Variants in MEI4 observed in about 807,000 individuals in gnomAD.
MEI4 encodes the protein meiotic double-stranded break formation protein 4.
In MEI4, 27 loss-of-function variants were observed where a neutral mutation model predicts 31.4. The ratio of observed to expected loss-of-function variants is 0.86; its 90% CI spans 0.63 to 1.19. MEI4 has a LOEUF of 1.19. MEI4 is among the 50% of genes most tolerant of loss of function. The probability of loss-of-function intolerance (pLI) is 0.00; values close to 1 mark genes in which losing one functional copy is unlikely to be tolerated. For missense variants in MEI4, 329 were observed against 398.9 expected (o/e 0.82, Z 1.49); for synonymous variants, 122 against 145.4 (o/e 0.84, Z 1.16).
chr6:77,662,835 GTT>G (rs34544877), intron 1 of MEI4, among the ~76,000 whole-genome samples: 1 of 150,094 alleles, frequency 6.7e-6, no homozygotes. Context: ...GAGCACGTGT[GTT>G]TTTATGAGAA....
At chr6:77,850,369 C>A (rs111330312) in intron 4 of MEI4, among the ~76,000 whole-genome samples, 71 of 151,898 alleles carry the variant, frequency 4.7e-4, no homozygotes, top group African/African-American at 1.4e-3. Flanking sequence ...GCATCACACT[C>A]CCTGACTTCA....
intron 4 of MEI4, among the ~76,000 whole-genome samples, chr6:77,831,580 A>G (rs1645275335): frequency 6.6e-6 from 1 of 151,596 alleles, no homozygotes; most frequent in Non-Finnish European, 1.5e-5. Context: ...TTAAACCATA[A>G]AAAGAATGAA....
intron 4 of MEI4, among the ~76,000 whole-genome samples, chr6:77,873,067 A>G (rs1771238896): frequency 1.3e-5 from 2 of 151,946 alleles, no homozygotes; most frequent in South Asian, 4.1e-4. Context: ...TTATAGCAGC[A>G]TGATTTATAG....
intron 2 of MEI4, among the ~76,000 whole-genome samples, chr6:77,698,701 T>G (rs563435323): frequency 5.3e-5 from 8 of 152,292 alleles, no homozygotes; most frequent in African/African-American, 1.7e-4. Flanking sequence ...GCCCTTAACA[T>G]TTTTTCCTTC....
intron 2 of MEI4, among the ~76,000 whole-genome samples, chr6:77,699,629 T>C (rs545914130): frequency 1.5e-3 from 231 of 152,338 alleles, no homozygotes; most frequent in African/African-American, 5.0e-3. Context: ...TGAGGAGCTG[T>C]GTTCCTTTGG....
chr6:77,771,136 C>A (rs181928084), intron 3 of MEI4, among the ~76,000 whole-genome samples: 4 of 151,788 alleles, frequency 2.6e-5, no homozygotes, highest in African/African-American at 9.7e-5. Flanking sequence ...GGACATGAAT[C>A]GACACTTTTC....
chr6:77,735,513 G>T (rs974407397), intron 2 of MEI4, among the ~76,000 whole-genome samples: 1 of 151,938 alleles, frequency 6.6e-6, no homozygotes, highest in African/African-American at 2.4e-5. Flanking sequence ...CTCTGTATTG[G>T]TTATTCTAGT....
intron 4 of MEI4, among the ~76,000 whole-genome samples, chr6:77,881,598 G>A (rs181078718): frequency 3.3e-5 from 5 of 152,014 alleles, no homozygotes; most frequent in Admixed American, 3.3e-4. Context: ...AAAACACAGG[G>A]GTAGATCTAT....
rs60518263 is a variant in MEI4 at position 77,807,318 on chromosome 6, T to A, written c.769-21613T>A. On this transcript the variant is annotated intron_variant, in intron 3 of 4. Coordinates refer to ENST00000684080, the MANE Select transcript of MEI4 (RefSeq NM_001322247.2). ...GAGAGAATATAATTTAAAAGTTATT[T>A]GAGAAATAGAATTAGCTGGACTTCA... Among the ~76,000 whole-genome samples the A allele has an allele frequency of 9.2e-3, 1,396 of 152,222 alleles. 17 individuals are homozygous for A. Among genetic ancestry groups the A allele is most frequent in the African/African-American group, 0.031 (1,292 of 41,548 alleles).
upstream of MEI4, among the ~76,000 whole-genome samples, chr6:77,650,699 T>C (rs1768284852): frequency 6.6e-6 from 1 of 152,214 alleles, no homozygotes; most frequent in African/African-American, 2.4e-5. Flanking sequence ...GAGCTCGCAA[T>C]ATTTTCAGGT....
At chr6:77,923,017 A>G (rs1766745467) in intron 4 of MEI4, 72 bp from the exon 5 acceptor site, 6 of 933,632 alleles carry the variant, frequency 6.4e-6, no homozygotes, top group Middle Eastern at 7.6e-4. Flanking sequence ...TGAAACTCTG[A>G]TATCTTTATA....
At chr6:77,736,512 A>C (rs142811553) in intron 2 of MEI4, among the ~76,000 whole-genome samples, 1,593 of 152,156 alleles carry the variant, frequency 0.01, 48 homozygotes, top group African/African-American at 0.037. Context: ...GTGCGCGCAC[A>C]CACTGACCTG....
intron 4 of MEI4, among the ~76,000 whole-genome samples, chr6:77,895,077 C>T (rs1256460070): frequency 2.6e-5 from 4 of 152,138 alleles, no homozygotes; most frequent in African/African-American, 9.7e-5. Flanking sequence ...AATTACTAGC[C>T]TAACACAGTG....
At chr6:77,710,101 G>A (rs1766424666) in intron 2 of MEI4, among the ~76,000 whole-genome samples, 1 of 152,164 alleles carries the variant, frequency 6.6e-6, no homozygotes, top group African/African-American at 2.4e-5. Flanking sequence ...CCTTGCCCAT[G>A]CACAGTTGTC....
In MEI4 at chr6:77,901,953, T is replaced by C. The variant is rs542888321; in HGVS notation, c.901-21136T>C. 8.5e-4 allele frequency among the ~76,000 whole-genome samples: 129 copies of C among 152,256 alleles called. 2 individuals are homozygous for C. The highest frequency in any genetic ancestry group is 2.1e-3 in the Admixed American group (32 of 15,270). On this transcript the variant is annotated intron_variant, in intron 4 of 4. Transcript: ENST00000684080. ...ATTCAGTTTTCCCAGCATCATTCAC[T>C]GAAGAGATTGTCCTTTTTCTATTGT... is the stretch of plus-strand genomic sequence containing the variant.
At chr6:77,869,324 G>C (rs533236803) in intron 4 of MEI4, among the ~76,000 whole-genome samples, 1 of 152,028 alleles carries the variant, frequency 6.6e-6, no homozygotes, top group Non-Finnish European at 1.5e-5. Context: ...TTCATATGTC[G>C]AAGCCCTAAT....
Position 77,676,560 on chromosome 6 carries a change from C to T in MEI4, c.-14-14098C>T, listed in dbSNP as rs1161331228. ...AATAATAATAAATGTTAAATAACCA[C>T]TGAAGCCTTCAATAAGATTCCTGTG... is the stretch of plus-strand genomic sequence containing the variant. On this transcript the variant is annotated intron_variant, in intron 1 of 4. Coordinates refer to ENST00000684080, the MANE Select transcript of MEI4 (RefSeq NM_001322247.2). Among the ~76,000 whole-genome samples the T allele has an allele frequency of 3.3e-5, 5 of 152,046 alleles. No individual in the cohort carries two copies. The East Asian group carries it at 9.7e-4, about 29-fold the overall frequency.
At chr6:77,883,717 G>GATAGAT (rs1554172067) in intron 4 of MEI4, among the ~76,000 whole-genome samples, 1 of 43,338 alleles carries the variant, frequency 2.3e-5, no homozygotes, top group Admixed American at 2.5e-4. Context: ...TATTATGTAA[G>GATAGAT]ATATATATAT....
At chr6:77,833,132 T>G (rs189417053) in intron 4 of MEI4, among the ~76,000 whole-genome samples, 1 of 152,126 alleles carries the variant, frequency 6.6e-6, no homozygotes, top group East Asian at 1.9e-4. Context: ...ATTAAGAAAA[T>G]GTATCTGCCT....
Sources: gnomAD v4.1 joint callset for allele counts (sites outside exome capture counted in the v4.1 genomes callset) on GRCh38, gnomAD v4.1.1 for gene constraint, MANE v1.5 for transcripts, NCBI Gene and HGNC (gene_info 2026-07-23, HGNC 2026-07-21) for gene names.